The following MGAM variants were observed in gnomAD, a reference collection of about 807,000 sequenced individuals.
MGAM encodes the protein alpha-1,4-glucosidase.
Under a neutral mutation model 358.8 loss-of-function variants are expected in MGAM, and 253 were observed. The ratio of observed to expected loss-of-function variants is 0.71; its 90% CI spans 0.64 to 0.78. The LOEUF is 0.78. Ranked by LOEUF, MGAM falls within the 30% of genes least tolerant of loss-of-function variation. The pLI is 0.00. For synonymous variants in MGAM, 1,105 were observed against 1,227.1 expected (o/e 0.90, Z 2.08); for missense variants, 3,080 against 3,432.6 (o/e 0.90, Z 2.57).
chr7:142,092,474 C>T lies in MGAM; in HGVS notation c.6946-47C>T, dbSNP rs542604934. 1.4e-4 allele frequency: 198 copies of T among 1,448,140 alleles called. 17 individuals are homozygous for T. In the African/African-American group the frequency reaches 2.0e-3, roughly 14 times the overall value. The allele number at this position is 1,448,140 out of a possible 1,614,324, so 89.7% of individuals were successfully genotyped here. Reference sequence around the variant, plus strand: ...CTTCCTTGGCTCAGAATTGGCAGGACGTAATTATCTTAAAAAGTGAGGTAT... The same window carrying T: ...CTTCCTTGGCTCAGAATTGGCAGGATGTAATTATCTTAAAAAGTGAGGTAT... On this transcript the variant is annotated intron_variant, in intron 58 of 70. Transcript: ENST00000475668.
At chr7:142,102,274 G>A (rs1428340386) in intron 68 of MGAM, among the ~76,000 whole-genome samples, 1 of 152,158 alleles carries the variant, frequency 6.6e-6, no homozygotes, top group African/African-American at 2.4e-5. Flanking sequence ...AAGAAACCTG[G>A]AAATTCTGAG....
chr7:142,050,465 G>A (rs1249406795), intron 23 of MGAM, among the ~76,000 whole-genome samples, 181 bp downstream of exon 23: 4 of 152,178 alleles, frequency 2.6e-5, no homozygotes, highest in African/African-American at 9.7e-5. Context: ...CATTAATATA[G>A]CAGCTAGTGT....
At position 142,096,123 on chromosome 7, in the gene MGAM, C is replaced by A; in HGVS notation, c.7608-208C>A. ...AAGTATTTTACAAGAGAGAATACAT[C>A]TACATCCCAGCATTTCTGAAGTTTG... is the stretch of plus-strand genomic sequence containing the variant. On this transcript the variant is annotated intron_variant, in intron 64 of 70. Coordinates refer to ENST00000475668, the MANE Select transcript of MGAM (RefSeq NM_001365693.1). 2 of 627,358 alleles carry A rather than the reference C, an allele frequency of 3.2e-6. 1 individual carries two copies. The highest frequency in any genetic ancestry group is 3.9e-5 in the South Asian group (2 of 50,818). 38.9% of individuals were successfully genotyped at this position (627,358 alleles called of 1,614,324 possible).
rs141103666 is a variant in MGAM, at chr7:142,073,392, G to A, written c.5187-693G>A. 2.5e-3 allele frequency among the ~76,000 whole-genome samples: 367 copies of A among 145,886 alleles called. 16 individuals carry two copies. The highest frequency in any genetic ancestry group is 8.5e-3 in the African/African-American group (349 of 41,186). On this transcript the variant is annotated intron_variant, in intron 44 of 70. Transcript: ENST00000475668. Reference sequence around the variant, plus strand: ...GTGAGTCCAGTGAGAGACAGAGGAGGAATAGGAAGAGCAGGAAACTGAGAG... The same window carrying A: ...GTGAGTCCAGTGAGAGACAGAGGAGAAATAGGAAGAGCAGGAAACTGAGAG...
chr7:142,099,837 A>G, intron 67 of MGAM, 100 bp downstream of exon 67: 2 of 1,483,810 alleles, frequency 1.3e-6, no homozygotes, highest in East Asian at 2.4e-5. Context: ...ACCCACATGC[A>G]ATTCTACTCA....
chr7:142,008,560 A>T lies in MGAM; in HGVS notation c.182A>T (p.Asp61Val), dbSNP rs1554453252. Reference sequence around the variant, plus strand: ...GATCCTGGGACAACTGGTACCCCAGATCCTGGAACAACTGGTACCACACAT... The same window carrying T: ...GATCCTGGGACAACTGGTACCCCAGTTCCTGGAACAACTGGTACCACACAT... The part of the protein sequence containing the change: ...TPDPGTTGTP[D>V]PGTTGTTHAR... The change falls in exon 3 of 71, where the codon GAT (aspartate) becomes GTT (valine). Residue 61 changes from aspartate to valine, a missense_variant. Transcript: ENST00000475668. The T allele has an allele frequency of 6.2e-7, 1 of 1,612,634 alleles. No homozygotes were observed. The highest frequency in any genetic ancestry group is 8.5e-7 in the Non-Finnish European group (1 of 1,179,252).
chr7:142,045,075 T>C (rs183073531), intron 21 of MGAM, among the ~76,000 whole-genome samples: 898 of 47,236 alleles, frequency 0.019, 39 homozygotes, highest in Admixed American at 0.032. Context: ...TATATACGTG[T>C]AATATATGAT....
At chr7:142,017,003 T>C (rs1037581342) in intron 3 of MGAM, among the ~76,000 whole-genome samples, 1 of 152,266 alleles carries the variant, frequency 6.6e-6, no homozygotes, top group Admixed American at 6.5e-5. Context: ...AAATGTAATC[T>C]GACTATCTTT....
Position 142,036,297 on chromosome 7 carries a change from A to G in MGAM, c.2076+12A>G, listed in dbSNP as rs1807987378. 6.4e-7 allele frequency: 1 copy of G among 1,570,248 alleles called. No individual in the cohort carries two copies. The highest frequency in any genetic ancestry group is 8.7e-7 in the Non-Finnish European group (1 of 1,149,822). ...GCCAAGGCTACAAGGTAAGGCTCCT[A>G]GGACATAGAGTCAGAATAAATTTGG... is the stretch of plus-strand genomic sequence containing the variant. On this transcript the variant is annotated intron_variant, in intron 17 of 70. Transcript: ENST00000475668.
intron 16 of MGAM, among the ~76,000 whole-genome samples, 183 bp downstream of exon 16, chr7:142,035,024 C>G (rs1308789876): frequency 6.6e-6 from 1 of 152,164 alleles, no homozygotes; most frequent in African/African-American, 2.4e-5. Context: ...CCTGTACTGC[C>G]TTATGAAGAC....
Position 142,008,733 on chromosome 7 carries a change from T to C in MGAM, c.327+28T>C, listed in dbSNP as rs1805365734. On this transcript the variant is annotated intron_variant, in intron 3 of 70. Transcript: ENST00000475668. ...TTGAGTTATGAATTTTGTTTCCATTTTAGAATTTATGCAACTTGATAGTTT... is the reference window on the plus strand; with the variant it reads ...TTGAGTTATGAATTTTGTTTCCATTCTAGAATTTATGCAACTTGATAGTTT... 3.8e-6 allele frequency: 6 copies of C among 1,599,680 alleles called. No individual in the cohort carries two copies. The East Asian group carries it at 1.3e-4, about 36-fold the overall frequency.
chr7:142,063,267 G>C (rs554909521), intron 35 of MGAM, among the ~76,000 whole-genome samples: 1 of 151,690 alleles, frequency 6.6e-6, no homozygotes, highest in Admixed American at 6.6e-5. Flanking sequence ...AAATTTGATT[G>C]CCTCACAGCC....
At chr7:142,001,390 G>A (rs1554450589) in intron 1 of MGAM, among the ~76,000 whole-genome samples, 1 of 152,204 alleles carries the variant, frequency 6.6e-6, no homozygotes, top group African/African-American at 2.4e-5. Flanking sequence ...TCCTACTGAA[G>A]AGAATGTGGG....
intron 18 of MGAM, among the ~76,000 whole-genome samples, chr7:142,037,694 C>G (rs1334401874): frequency 1.3e-5 from 2 of 152,124 alleles, no homozygotes; most frequent in African/African-American, 4.8e-5. Flanking sequence ...TTTGTATGAT[C>G]AGATCCAGTT....
intron 24 of MGAM, among the ~76,000 whole-genome samples, chr7:142,051,217 T>C (rs564238787): frequency 7.2e-5 from 11 of 152,206 alleles, no homozygotes; most frequent in African/African-American, 2.7e-4. Flanking sequence ...CAAATAAGAA[T>C]TGGTATTTGA....
Position 142,097,581 on chromosome 7 carries a change from G to A in MGAM, c.7693-12G>A. ...GGTGCCACTGCCACACCTTGTTTAT[G>A]TTTCATTTTAGAATGCCAGAAATGT... On this transcript the variant is annotated splice_polypyrimidine_tract_variant and intron_variant, in intron 65 of 70. Coordinates refer to ENST00000475668, the MANE Select transcript of MGAM (RefSeq NM_001365693.1). 1.2e-6 allele frequency: 2 copies of A among 1,611,220 alleles called. No individual in the cohort carries two copies. The highest frequency in any genetic ancestry group is 1.7e-6 in the Non-Finnish European group (2 of 1,177,452).
At chr7:142,004,171 T>C (rs781857462) in intron 1 of MGAM, among the ~76,000 whole-genome samples, 1 of 151,924 alleles carries the variant, frequency 6.6e-6, no homozygotes, top group Non-Finnish European at 1.5e-5. Context: ...TACCCTTCAA[T>C]CCAGCAATTC....
Position 142,008,505 on chromosome 7 carries a change from GCCCCAGATCCTGGGACAACTGGTA to G in MGAM, c.165_188del (p.Pro60_Thr67del), listed in dbSNP as rs782362810. 529 of 1,607,408 alleles carry G rather than the reference GCCCCAGATCCTGGGACAACTGGTA, an allele frequency of 3.3e-4. 1 individual carries two copies. Among genetic ancestry groups the G allele is most frequent in the African/African-American group, 2.8e-3 (208 of 74,826 alleles). On this transcript the variant is annotated inframe_deletion and splice_region_variant, in exon 3 of 71. Coordinates refer to ENST00000475668, the MANE Select transcript of MGAM (RefSeq NM_001365693.1). ...TCTTTTTATGTTTGCTTTTGGTATAGCCCCAGATCCTGGGACAACTGGTACCCCAGATCCTGGGACAACTGGTAC... is the reference window on the plus strand; with the variant it reads ...TCTTTTTATGTTTGCTTTTGGTATAGCCCCAGATCCTGGGACAACTGGTAC...
chr7:142,080,775 T>A lies in MGAM; in HGVS notation c.5848-16T>A. 1.9e-6 allele frequency: 3 copies of A among 1,543,148 alleles called. No individual in the cohort carries two copies. In the East Asian group the frequency reaches 6.9e-5, roughly 35 times the overall value. On this transcript the variant is annotated splice_polypyrimidine_tract_variant and intron_variant, in intron 49 of 70. Transcript: ENST00000475668. ...AGAGTAGTATTCTTGCCTAAAATCG[T>A]TTTCCTCTGGCCTAGATTTATGATC...
Sources: allele counts gnomAD v4.1 joint callset (sites outside exome capture counted in the v4.1 genomes callset), GRCh38; gene constraint gnomAD v4.1.1; transcripts MANE v1.5; gene names NCBI Gene and HGNC (gene_info 2026-07-23, HGNC 2026-07-21).